DHX16: variants seen among roughly 807,000 people sequenced by gnomAD.
DHX16 encodes the protein pre-mRNA-splicing factor ATP-dependent RNA helicase DHX16.
A neutral mutation model predicts 131.2 loss-of-function variants in DHX16; 81 were observed. That is an observed-to-expected ratio of 0.62 (90% confidence interval 0.52 to 0.74). DHX16 has a LOEUF of 0.74. Among genes scored for constraint, DHX16 ranks in the 30% least tolerant of loss-of-function variants. DHX16 has a pLI of 0.00. For missense variants in DHX16, 980 were observed against 1,363.1 expected, an observed-to-expected ratio of 0.72 and a Z score of 4.43; for synonymous variants, 440 against 520.2, an observed-to-expected ratio of 0.85 and a Z score of 2.10.
chr6:30,659,808 A>G lies in DHX16; in HGVS notation c.1782T>C (p.Ala594=), dbSNP rs1768326232. ...TKAPEADYLE[A]CVVSVLQIHV... ...GGATCTGCAACACAGATACTACACA[A>G]GCTTCCAAGTAGTCAGCCTCTGGAG... Residue 594 remains alanine (A), a synonymous_variant, in exon 11 of 20, where the codon GCT becomes GCC. Transcript: ENST00000376442. The G allele has an allele frequency of 6.2e-7, 1 of 1,614,076 alleles. No individual in the cohort carries two copies. Among genetic ancestry groups the G allele is most frequent in the Non-Finnish European group, 8.5e-7 (1 of 1,180,030 alleles).
Position 30,667,027 on chromosome 6 carries a change from G to A in DHX16, c.667-1294C>T, listed in dbSNP as rs369767553. ...CCATTTGAGCATTAAAAAGAATAATGATGTGAGATTATAAAATACTGAAAA... is the reference window on the plus strand; with the variant it reads ...CCATTTGAGCATTAAAAAGAATAATAATGTGAGATTATAAAATACTGAAAA... On this transcript the variant is annotated intron_variant, in intron 4 of 19. Coordinates refer to ENST00000376442, the MANE Select transcript of DHX16 (RefSeq NM_003587.5). Among the ~76,000 whole-genome samples, 25 of 151,916 alleles carry A rather than the reference G, an allele frequency of 1.6e-4. 3 individuals carry two copies. The highest frequency in any genetic ancestry group is 1.2e-3 in the East Asian group (6 of 5,182).
rs137902522 is a variant in DHX16, at chr6:30,658,522, G to A, written c.2007+950C>T. Among the ~76,000 whole-genome samples, 1,124 of 139,600 alleles carry A rather than the reference G, an allele frequency of 8.1e-3. 13 individuals are homozygous for A. The highest frequency in any genetic ancestry group is 0.027 in the African/African-American group (985 of 36,996). The allele number at this position is 139,600 out of a possible 152,430, so 91.6% of individuals were successfully genotyped here. Reference sequence around the variant, plus strand: ...GGTGCCACTGCACTCCAGCCTGGGCGACAGAGTGAGACTCCATCTCAAAAA... The same window carrying A: ...GGTGCCACTGCACTCCAGCCTGGGCAACAGAGTGAGACTCCATCTCAAAAA... On this transcript the variant is annotated intron_variant, in intron 12 of 19. Transcript: ENST00000376442.
chr6:30,670,297 C>G lies in DHX16; in HGVS notation c.666+113G>C. On this transcript the variant is annotated intron_variant, in intron 4 of 19. Coordinates refer to ENST00000376442, the MANE Select transcript of DHX16 (RefSeq NM_003587.5). This position sits in a 1 kb window ranked among gnomAD's most constrained non-coding sequence, Gnocchi z 4.4. ...CAAGCCCCTCTTCTAGAAACCTGAC[C>G]ACCCCATCAGCATCCACACTGTGCT... is the stretch of plus-strand genomic sequence containing the variant. 1 of 1,068,834 alleles carries G rather than the reference C, an allele frequency of 9.4e-7. No individual in the cohort carries two copies. Among genetic ancestry groups the G allele is most frequent in the Non-Finnish European group, 1.3e-6 (1 of 749,866 alleles). The allele number at this position is 1,068,834 out of a possible 1,614,324, so 66.2% of individuals were successfully genotyped here.
Position 30,672,832 on chromosome 6 carries a change from G to A in DHX16, c.10C>T (p.Pro4Ser). ...TGAACCCAGCGCTCCAGACCCGCCG[G>A]CGTCGCCATGGCGACTCACGCTCCC... is the stretch of plus-strand genomic sequence containing the variant. The part of the protein sequence containing the change: MAT[P>S]AGLERWVQDE... The change falls in exon 1 of 20, where the codon CCG (proline) becomes TCG (serine). Residue 4 changes from proline to serine, a missense_variant. This residue lies in a region of DHX16 where 457 missense variants were observed against 554.8 expected (regional missense o/e 0.82). Transcript: ENST00000376442. 1.2e-6 allele frequency: 2 copies of A among 1,612,414 alleles called. No individual in the cohort carries two copies.
intron 7 of DHX16, among the ~76,000 whole-genome samples, chr6:30,664,047 T>C (rs1424729978): frequency 6.7e-6 from 1 of 149,406 alleles, no homozygotes; most frequent in Non-Finnish European, 1.5e-5. Flanking sequence ...AAATGTTTAA[T>C]ATGGGCATGG....
intron 9 of DHX16, 170 bp from the exon 10 acceptor site, chr6:30,660,412 A>C (rs1005340476): frequency 4.0e-6 from 2 of 505,550 alleles, no homozygotes; most frequent in African/African-American, 3.9e-5. Context: ...AGAGCAACAG[A>C]AAGTCAGAGA....
At chr6:30,668,600 G>A (rs59578092) in intron 4 of DHX16, among the ~76,000 whole-genome samples, 4,222 of 151,246 alleles carry the variant, frequency 0.028, 78 homozygotes, top group African/African-American at 0.047. Flanking sequence ...GCAGTGAGCC[G>A]AGATCATGCC....
Position 30,660,014 on chromosome 6 carries a change from T to C in DHX16, c.1755+18A>G, listed in dbSNP as rs116606884. 3,259 of 1,610,682 alleles carry C rather than the reference T, an allele frequency of 2.0e-3. 21 individuals are homozygous for C. The East Asian group carries it at 0.021, about 11-fold the overall frequency. On this transcript the variant is annotated intron_variant, in intron 10 of 19. Transcript: ENST00000376442. ...CTTTTCTGCCACAGACTTAAGCCCATCCTCCCTGAGGGGGCACCTTGGTGT... is the reference window on the plus strand; with the variant it reads ...CTTTTCTGCCACAGACTTAAGCCCACCCTCCCTGAGGGGGCACCTTGGTGT...
Position 30,672,887 on chromosome 6 carries a change from G to C in DHX16, c.-46C>G, listed in dbSNP as rs1283391998. ...CCCGGCCCTGAAGCGTCGGGCAGCC[G>C]CGCTCACTGCTGGGCCGGTCAGAGG... On this transcript the variant is annotated 5_prime_UTR_variant, in exon 1 of 20. Transcript: ENST00000376442. 14 of 1,605,360 alleles carry C rather than the reference G, an allele frequency of 8.7e-6. No homozygotes were observed. Among genetic ancestry groups the C allele is most frequent in the African/African-American group, 1.3e-5 (1 of 74,638 alleles).
Position 30,659,762 on chromosome 6 carries a change from C to T in DHX16, c.1828G>A (p.Asp610Asn), listed in dbSNP as rs1160634405. 1 of 1,614,028 alleles carries T rather than the reference C, an allele frequency of 6.2e-7. No individual in the cohort carries two copies. The highest frequency in any genetic ancestry group is 8.5e-7 in the Non-Finnish European group (1 of 1,180,014). The stretch of plus-strand genomic sequence containing the variant: ...TGTCCTGTCAGGAACACCAGGATAT[C>T]CCCAGGGGGCTGGGTCACATGGATC... ...LQIHVTQPPG[D>N]ILVFLTGQEE... is the part of the protein sequence containing the mutation. The change falls in exon 11 of 20, where the codon GAT (aspartate) becomes AAT (asparagine). Residue 610 changes from aspartate to asparagine, a missense_variant. Transcript: ENST00000376442.
Position 30,670,502 on chromosome 6 carries a change from CA to C in DHX16, c.610-37del. On this transcript the variant is annotated intron_variant, in intron 3 of 19. Coordinates refer to ENST00000376442, the MANE Select transcript of DHX16 (RefSeq NM_003587.5). This position sits in a 1 kb window ranked among gnomAD's most constrained non-coding sequence, Gnocchi z 4.4. ...AAACAAGAATGGAGGGGTGTGAGGC[CA>C]AAGAGCCCCCACACTGACAGCTGCT... is the stretch of plus-strand genomic sequence containing the variant. The C allele has an allele frequency of 6.3e-7, 1 of 1,597,242 alleles. No individual in the cohort carries two copies. The highest frequency in any genetic ancestry group is 8.6e-7 in the Non-Finnish European group (1 of 1,169,420).
chr6:30,672,579 G>T, intron 1 of DHX16, 56 bp downstream of exon 1: 1 of 1,495,084 alleles, frequency 6.7e-7, no homozygotes, highest in Non-Finnish European at 9.2e-7. Context: ...TCGATGGACC[G>T]TTAGGCCAGC....
Position 30,672,072 on chromosome 6 carries a change from G to A in DHX16, c.207+563C>T, listed in dbSNP as rs117827982. Among the ~76,000 whole-genome samples the A allele has an allele frequency of 7.2e-5, 11 of 151,934 alleles. No homozygotes were observed. In the East Asian group the frequency reaches 1.6e-3, roughly 22 times the overall value. ...ACGCCTGTAATCTCAGCACTCTGAG[G>A]GGGCTGAGAGAGGATTGCTTGAGCT... On this transcript the variant is annotated intron_variant, in intron 1 of 19. Transcript: ENST00000376442.
chr6:30,665,335 T>G lies in DHX16; in HGVS notation c.922-61A>C. The G allele has an allele frequency of 6.3e-7, 1 of 1,591,842 alleles. No individual in the cohort carries two copies. Among genetic ancestry groups the G allele is most frequent in the South Asian group, 1.1e-5 (1 of 90,532 alleles). On this transcript the variant is annotated intron_variant, in intron 5 of 19. Coordinates refer to ENST00000376442, the MANE Select transcript of DHX16 (RefSeq NM_003587.5). This position sits in a 1 kb window ranked among gnomAD's most constrained non-coding sequence, Gnocchi z 4.8. ...AGGATGTCCTCTCTGCCCTCTCCCC[T>G]CTTCCCATTACTACCCCCGCCCACT...
At position 30,670,746 on chromosome 6, in the gene DHX16, C is replaced by T. The variant is rs748247692; in HGVS notation, c.609+44G>A. On this transcript the variant is annotated intron_variant, in intron 3 of 19. Coordinates refer to ENST00000376442, the MANE Select transcript of DHX16 (RefSeq NM_003587.5). The surrounding 1 kb of genome is among the most constrained non-coding windows in gnomAD (Gnocchi z 4.4). ...CACTCACAGCCAACCTCAGATTTCA[C>T]CCTGGGATCTTGGGGATTTACAGAA... 4 of 1,609,700 alleles carry T rather than the reference C, an allele frequency of 2.5e-6. No individual in the cohort carries two copies. Among genetic ancestry groups the T allele is most frequent in the Non-Finnish European group, 3.4e-6 (4 of 1,178,750 alleles).
chr6:30,653,186 T>C lies in DHX16; in HGVS notation c.*56A>G. 6.4e-7 allele frequency: 1 copy of C among 1,567,726 alleles called. No homozygotes were observed. The highest frequency in any genetic ancestry group is 8.6e-7 in the Non-Finnish European group (1 of 1,161,730). ...AAAAATAATTTTATTTAATAGGTAT[T>C]AAATAATGTATAGAAGGAAAAGGAG... On this transcript the variant is annotated 3_prime_UTR_variant, in exon 20 of 20. Coordinates refer to ENST00000376442, the MANE Select transcript of DHX16 (RefSeq NM_003587.5).
Position 30,653,155 on chromosome 6 carries a change from T to C in DHX16, c.*87A>G. The C allele has an allele frequency of 3.4e-6, 5 of 1,464,682 alleles. No homozygotes were observed. The South Asian group carries it at 6.8e-5, about 20-fold the overall frequency. The allele number at this position is 1,464,682 out of a possible 1,614,324, so 90.7% of individuals were successfully genotyped here. A position where few individuals can be genotyped will look rare whatever the true frequency, so the allele number is the denominator to read the frequency against. On this transcript the variant is annotated 3_prime_UTR_variant, in exon 20 of 20. Coordinates refer to ENST00000376442, the MANE Select transcript of DHX16 (RefSeq NM_003587.5). ...AGATCCCAAATGTTCCCACAAGCTT[T>C]ATTCCAAAAATAATTTTATTTAATA...
Position 30,662,989 on chromosome 6 carries a change from G to A in DHX16, c.1350C>T (p.Cys450=), listed in dbSNP as rs1199522662. 9 of 1,613,526 alleles carry A rather than the reference G, an allele frequency of 5.6e-6. No individual in the cohort carries two copies. Among genetic ancestry groups the A allele is most frequent in the Non-Finnish European group, 6.8e-6 (8 of 1,180,030 alleles). The change falls in exon 8 of 20, where the codon TGC becomes TGT. Residue 450 remains cysteine, a synonymous_variant. Coordinates refer to ENST00000376442, the MANE Select transcript of DHX16 (RefSeq NM_003587.5). The surrounding 1 kb of genome is among the most constrained non-coding windows in gnomAD (Gnocchi z 4.7). ...TGGCAGCCACTCTCCGGGGTTGGGT[G>A]CAGGCAATCTTCATACCCTTGTTTG... is the stretch of plus-strand genomic sequence containing the variant. ...GYTNKGMKIA[C]TQPRRVAAMS...
At chr6:30,653,676 C>A (rs937060046) in intron 19 of DHX16, among the ~76,000 whole-genome samples, 1 of 152,214 alleles carries the variant, frequency 6.6e-6, no homozygotes. Flanking sequence ...CCAGCCCCAA[C>A]CTAGATCCTT....
Sources: allele counts gnomAD v4.1 joint callset (sites outside exome capture counted in the v4.1 genomes callset), GRCh38; gene constraint gnomAD v4.1.1; regional missense constraint gnomAD v4.1.1; non-coding constraint Gnocchi (gnomAD v3.1); transcripts MANE v1.5; gene names NCBI Gene and HGNC (gene_info 2026-07-23, HGNC 2026-07-21).